SLCO4C1: variants seen among roughly 807,000 people sequenced by gnomAD.
SLCO4C1 encodes solute carrier organic anion transporter family member 4C1.
Under a neutral mutation model 72.1 loss-of-function variants are expected in SLCO4C1, and 58 were observed. The ratio of observed to expected loss-of-function variants is 0.80; its 90% CI spans 0.65 to 1.00. The LOEUF (loss-of-function observed/expected upper bound fraction) is 1.00. SLCO4C1 is among the 50% of genes least tolerant of loss of function. The probability of loss-of-function intolerance (pLI) is 0.00; values close to 1 mark genes in which losing one functional copy is unlikely to be tolerated. For missense variants in SLCO4C1, 898 were observed against 857.9 expected (o/e 1.05, Z -0.58); for synonymous variants, 297 against 312.5 (o/e 0.95, Z 0.52).
intron 6 of SLCO4C1, 110 bp downstream of exon 6, chr5:102,260,103 T>A: frequency 3.8e-6 from 1 of 264,968 alleles, no homozygotes; most frequent in Admixed American, 5.6e-5. Context: ...TATATATGTG[T>A]GTATATATAA....
intron 10 of SLCO4C1, among the ~76,000 whole-genome samples, chr5:102,243,015 C>G (rs963221505): frequency 6.6e-6 from 1 of 152,112 alleles, no homozygotes; most frequent in Non-Finnish European, 1.5e-5. Flanking sequence ...TCATGACAAG[C>G]TGACTTAAAG....
At chr5:102,285,446 G>A (rs563399679) in intron 2 of SLCO4C1, among the ~76,000 whole-genome samples, 55 of 152,074 alleles carry the variant, frequency 3.6e-4, no homozygotes, top group Non-Finnish European at 6.3e-4. Flanking sequence ...CACCATGCCC[G>A]GCTAATTTTT....
intron 1 of SLCO4C1, among the ~76,000 whole-genome samples, chr5:102,291,831 A>AT (rs1278232751): frequency 6.7e-6 from 1 of 150,302 alleles, no homozygotes; most frequent in Admixed American, 6.6e-5. Flanking sequence ...TTATTTATTT[A>AT]TTTTTTTGAG....
At chr5:102,266,441 G>A (rs897171387) in intron 3 of SLCO4C1, among the ~76,000 whole-genome samples, 4 of 152,156 alleles carry the variant, frequency 2.6e-5, no homozygotes, top group Middle Eastern at 3.2e-3. Context: ...TCTGAGGTCA[G>A]GAGTTCGAGA....
intron 2 of SLCO4C1, among the ~76,000 whole-genome samples, chr5:102,290,627 C>G (rs552434888): frequency 8.5e-5 from 13 of 152,262 alleles, no homozygotes; most frequent in Admixed American, 1.3e-4. Context: ...TGAATAAAGC[C>G]TCTGAATTTA....
intron 3 of SLCO4C1, among the ~76,000 whole-genome samples, chr5:102,269,199 T>C (rs899293648): frequency 2.6e-5 from 4 of 152,180 alleles, no homozygotes; most frequent in Non-Finnish European, 5.9e-5. Context: ...TGTACCTGGA[T>C]GTCTAATTTC....
intron 3 of SLCO4C1, among the ~76,000 whole-genome samples, chr5:102,268,074 T>A (rs935565809): frequency 6.6e-6 from 1 of 152,152 alleles, no homozygotes; most frequent in African/African-American, 2.4e-5. Flanking sequence ...AGCTGCTGGA[T>A]AAAATGTTCC....
intron 5 of SLCO4C1, 91 bp downstream of exon 5, chr5:102,261,821 G>A (rs1173848963): frequency 1.6e-6 from 2 of 1,282,618 alleles, no homozygotes; most frequent in Non-Finnish European, 2.1e-6. Context: ...AAGAAACAGG[G>A]TGAATCTATA....
In SLCO4C1 at chr5:102,290,926, T is replaced by C. The variant is rs180775906; in HGVS notation, c.619+417A>G. Among the ~76,000 whole-genome samples, 11 of 152,306 alleles carry C rather than the reference T, an allele frequency of 7.2e-5. No homozygotes were observed. In the South Asian group the frequency reaches 1.2e-3, roughly 17 times the overall value. ...AGCTAGTTTCATTTCTTAGGAAAAT[T>C]TCCACTTTTCTAAATGTCACCTCTC... On this transcript the variant is annotated intron_variant, in intron 2 of 12. Coordinates refer to ENST00000310954, the MANE Select transcript of SLCO4C1 (RefSeq NM_180991.5).
chr5:102,270,898 C>G, intron 2 of SLCO4C1, 92 bp from the exon 3 acceptor site: 1 of 939,498 alleles, frequency 1.1e-6, no homozygotes, highest in Non-Finnish European at 1.5e-6. Flanking sequence ...TATAATATAA[C>G]CTTATTTATT....
intron 3 of SLCO4C1, among the ~76,000 whole-genome samples, chr5:102,264,621 G>T (rs962083620): frequency 3.3e-5 from 5 of 151,880 alleles, no homozygotes; most frequent in Non-Finnish European, 7.4e-5. Flanking sequence ...ACTTGTTTAT[G>T]TTGGGAACAT....
chr5:102,245,537 T>C (rs186220294), intron 10 of SLCO4C1, among the ~76,000 whole-genome samples: 5 of 152,264 alleles, frequency 3.3e-5, no homozygotes, highest in Non-Finnish European at 7.4e-5. Context: ...CACCCAGATA[T>C]ACAAAGCAAA....
intron 8 of SLCO4C1, among the ~76,000 whole-genome samples, chr5:102,250,850 T>C (rs1748724691): frequency 1.3e-5 from 2 of 151,760 alleles, no homozygotes; most frequent in Non-Finnish European, 2.9e-5. Flanking sequence ...TAGCTGGGCA[T>C]GGTGGCAGGC....
In SLCO4C1 at chr5:102,260,213, C is replaced by A; in HGVS notation, c.1128G>T (p.Lys376Asn). Residue 376 changes from lysine (K) to asparagine (N), a missense_variant and splice_region_variant, in exon 6 of 13, where the codon AAG becomes AAT. By Grantham distance (94) the Lys-to-Asn change is moderately conservative (BLOSUM62 0). Transcript: ENST00000310954. ...GAGACAGAGAAGAATTTTATTTTAC[C>A]TTTAGAGCAGCTGGAAAATCTTTAA... ...KSIKDFPAAL[K>N]NLMKNAVFMC... 1 of 1,279,812 alleles carries A rather than the reference C, an allele frequency of 7.8e-7. No individual in the cohort carries two copies. The highest frequency in any genetic ancestry group is 1.0e-6 in the Non-Finnish European group (1 of 968,626). The allele number at this position is 1,279,812 out of a possible 1,614,324, so 79.3% of individuals were successfully genotyped here.
chr5:102,242,575 A>T (rs1384910838), intron 10 of SLCO4C1, among the ~76,000 whole-genome samples: 1 of 152,120 alleles, frequency 6.6e-6, no homozygotes, highest in Non-Finnish European at 1.5e-5. Context: ...GGTCCCAGAA[A>T]ATATTTCTAG....
intron 10 of SLCO4C1, among the ~76,000 whole-genome samples, chr5:102,244,188 A>G (rs1288245468): frequency 6.6e-6 from 1 of 152,102 alleles, no homozygotes; most frequent in Non-Finnish European, 1.5e-5. Flanking sequence ...ACTCCATCTC[A>G]AAACAAAAAA....
intron 12 of SLCO4C1, 55 bp downstream of exon 12, chr5:102,239,193 ATTT>A: frequency 7.8e-6 from 9 of 1,158,138 alleles, no homozygotes; most frequent in Non-Finnish European, 1.0e-5. Context: ...CAACAATGAG[ATTT>A]TTTTTTTTTT....
At chr5:102,245,253 T>C (rs1207265581) in intron 10 of SLCO4C1, among the ~76,000 whole-genome samples, 2 of 152,122 alleles carry the variant, frequency 1.3e-5, no homozygotes, top group African/African-American at 4.8e-5. Flanking sequence ...CACAGCCTGG[T>C]TGAATGGATG....
intron 10 of SLCO4C1, among the ~76,000 whole-genome samples, chr5:102,246,931 T>G (rs1192068815): frequency 1.3e-5 from 2 of 152,128 alleles, no homozygotes; most frequent in Non-Finnish European, 2.9e-5. Context: ...TTCTGGCATA[T>G]TGGAATGCAT....
Sources: allele counts gnomAD v4.1 joint callset (sites outside exome capture counted in the v4.1 genomes callset), GRCh38; gene constraint gnomAD v4.1.1; transcripts MANE v1.5; gene names NCBI Gene and HGNC (gene_info 2026-07-23, HGNC 2026-07-21).